The following RAVER2 variants were observed in gnomAD, a reference collection of about 807,000 sequenced individuals.
The protein encoded by RAVER2 is ribonucleoprotein, PTB binding 2.
Under a neutral mutation model 78.1 loss-of-function variants are expected in RAVER2, and 46 were observed. The observed-to-expected ratio is 0.59, with a 90% CI of 0.46 to 0.75. RAVER2 has a LOEUF of 0.75. RAVER2 is among the 30% of genes least tolerant of loss of function. The pLI is 0.00. For missense variants in RAVER2, 793 were observed against 837.5 expected (o/e 0.95, Z 0.66); for synonymous variants, 311 against 313.3 (o/e 0.99, Z 0.08).
intron 10 of RAVER2, 128 bp from the exon 11 acceptor site, chr1:64,814,576 A>G (rs1475891595): frequency 1.9e-6 from 1 of 538,470 alleles, no homozygotes; most frequent in Admixed American, 5.2e-5. Flanking sequence ...CTGAGTTACA[A>G]TTTATAATAA....
intron 5 of RAVER2, among the ~76,000 whole-genome samples, chr1:64,799,293 A>G (rs566136972): frequency 1.1e-4 from 17 of 152,284 alleles, no homozygotes; most frequent in African/African-American, 4.1e-4. Context: ...TCCATTGTGT[A>G]TATGTACCAC....
intron 5 of RAVER2, among the ~76,000 whole-genome samples, chr1:64,793,472 TTATG>T (rs1392994698): frequency 1.3e-5 from 2 of 152,342 alleles, no homozygotes; most frequent in Middle Eastern, 6.8e-3. Context: ...CTAGACTTCT[TTATG>T]TATGTGTGTG....
intron 11 of RAVER2, among the ~76,000 whole-genome samples, chr1:64,820,552 C>T (rs572389596): frequency 1.3e-5 from 2 of 152,228 alleles, no homozygotes; most frequent in South Asian, 4.1e-4. Context: ...TTCTGCTGCT[C>T]TCCCTCCTCC....
chr1:64,817,037 G>T (rs978082180), intron 11 of RAVER2, among the ~76,000 whole-genome samples: 2 of 152,106 alleles, frequency 1.3e-5, no homozygotes, highest in African/African-American at 4.8e-5. Flanking sequence ...AATCTACAAA[G>T]AACTCAAACA....
At chr1:64,794,413 A>C (rs1653037782) in intron 5 of RAVER2, among the ~76,000 whole-genome samples, 1 of 151,654 alleles carries the variant, frequency 6.6e-6, no homozygotes, top group African/African-American at 2.4e-5. Flanking sequence ...AAAAAAAAAA[A>C]AAAACTGCCC....
At chr1:64,832,767 A>ATCAT (rs1375463263) in exon 12 of RAVER2, 5 of 152,208 alleles carry the variant, frequency 3.3e-5, no homozygotes, top group Admixed American at 2.6e-4. Context: ...AGAATTAGGC[A>ATCAT]TCATTCAGTG....
intron 2 of RAVER2, 62 bp from the exon 3 acceptor site, chr1:64,777,561 A>G (rs569751744): frequency 4.9e-5 from 67 of 1,355,120 alleles, no homozygotes; most frequent in Non-Finnish European, 6.5e-5. Flanking sequence ...GAAGTAAGAT[A>G]TATTTCTTAC....
intron 1 of RAVER2, among the ~76,000 whole-genome samples, chr1:64,763,726 A>T (rs985290342): frequency 3.3e-5 from 5 of 151,852 alleles, no homozygotes; most frequent in Non-Finnish European, 5.9e-5. Flanking sequence ...ACATGGAGAA[A>T]CCCTGTCTCT....
chr1:64,789,581 G>C lies in RAVER2; in HGVS notation c.1105+67G>C, dbSNP rs917079355. On this transcript the variant is annotated intron_variant, in intron 5 of 11. Coordinates refer to ENST00000294428, the Ensembl canonical transcript of RAVER2. ...GCATGAAGTTAATTTTTTCACATGTGAAATATGGAAAAATACATTGATTTG... is the reference window on the plus strand; with the variant it reads ...GCATGAAGTTAATTTTTTCACATGTCAAATATGGAAAAATACATTGATTTG... 2.4e-6 allele frequency: 3 copies of C among 1,247,986 alleles called. No individual in the cohort carries two copies. In the African/African-American group the frequency reaches 4.7e-5, roughly 19 times the overall value. The allele number at this position is 1,247,986 out of a possible 1,614,324, so 77.3% of individuals were successfully genotyped here. A position where few individuals can be genotyped will look rare whatever the true frequency, so the allele number is the denominator to read the frequency against.
At chr1:64,763,433 A>C (rs1270943300) in intron 1 of RAVER2, among the ~76,000 whole-genome samples, 2 of 152,248 alleles carry the variant, frequency 1.3e-5, no homozygotes, top group Non-Finnish European at 2.9e-5. Context: ...TATAAGTCAA[A>C]GAAATACAAA....
At chr1:64,829,505 G>A (rs1465977051) in intron 11 of RAVER2, among the ~76,000 whole-genome samples, 2 of 152,208 alleles carry the variant, frequency 1.3e-5, no homozygotes, top group Non-Finnish European at 2.9e-5. Flanking sequence ...ATAACCAAGA[G>A]GCTGGAGACT....
At chr1:64,764,592 C>A (rs1370942411) in intron 1 of RAVER2, among the ~76,000 whole-genome samples, 1 of 152,014 alleles carries the variant, frequency 6.6e-6, no homozygotes, top group Non-Finnish European at 1.5e-5. Context: ...ACCCAAAATC[C>A]CACAAATAAA....
intron 2 of RAVER2, among the ~76,000 whole-genome samples, chr1:64,770,259 C>G (rs141703528): frequency 3.9e-5 from 6 of 152,076 alleles, no homozygotes; most frequent in Middle Eastern, 3.4e-3. Context: ...ACAGCCTTCA[C>G]AGCTCACATA....
At chr1:64,749,536 A>G (rs1025041745) in intron 1 of RAVER2, among the ~76,000 whole-genome samples, 1 of 152,178 alleles carries the variant, frequency 6.6e-6, no homozygotes, top group Non-Finnish European at 1.5e-5. Flanking sequence ...TCTATTCCAC[A>G]TTTATCAAAC....
intron 11 of RAVER2, among the ~76,000 whole-genome samples, chr1:64,823,038 G>C (rs1243912943): frequency 6.6e-6 from 1 of 152,100 alleles, no homozygotes; most frequent in Non-Finnish European, 1.5e-5. Context: ...AGGAGGAGTT[G>C]GGGAGTATGA....
chr1:64,813,828 GACACACACAC>G (rs10566575), intron 10 of RAVER2, among the ~76,000 whole-genome samples: 36,766 of 145,860 alleles, frequency 0.25, 4,595 homozygotes, highest in Admixed American at 0.36. Context: ...TTAGAGACTA[GACACACACAC>G]ACACACACAC....
rs748099082 is a variant in RAVER2 at position 64,830,905 on chromosome 1, G to A, written c.1996G>A (p.Val666Met). ...CATCTCTGCCCCAGAAGGTGGTTCA[G>A]TGGAATGTGTTGACCAGCATTCTCA... Residue 666 changes from valine (V) to methionine (M), a missense_variant, in exon 12 of 12, where the codon GTG (valine) becomes ATG (methionine). Physicochemically the swap from Val to Met is conservative, Grantham distance 21 (BLOSUM62 1). Coordinates refer to ENST00000294428, the Ensembl canonical transcript of RAVER2. 6 of 1,613,556 alleles carry A rather than the reference G, an allele frequency of 3.7e-6. No homozygotes were observed. The East Asian group carries it at 1.1e-4, about 30-fold the overall frequency.
intron 6 of RAVER2, among the ~76,000 whole-genome samples, chr1:64,803,654 C>A (rs768582113): frequency 1.3e-5 from 2 of 152,026 alleles, no homozygotes; most frequent in Non-Finnish European, 2.9e-5. Context: ...GAATGAATAT[C>A]TGGTCCTAAA....
In RAVER2 at chr1:64,831,939, C is replaced by T. The variant is rs545613100; in HGVS notation, c.*954C>T. 4 of 152,272 alleles carry T rather than the reference C, an allele frequency of 2.6e-5. No individual in the cohort carries two copies. In the South Asian group the frequency reaches 8.3e-4, roughly 32 times the overall value. 9.4% of individuals were successfully genotyped at this position (152,272 alleles called of 1,614,324 possible). A position where few individuals can be genotyped will look rare whatever the true frequency, so the allele number is the denominator to read the frequency against. ...ACAGAGACTGTATGGCCTACAAAGA[C>T]CATATGGCCTAAAATTTCAAGTATC... On this transcript the variant is annotated 3_prime_UTR_variant, in exon 12 of 12. Transcript: ENST00000294428.
Sources: allele counts gnomAD v4.1 joint callset (sites outside exome capture counted in the v4.1 genomes callset), GRCh38; gene constraint gnomAD v4.1.1; transcripts MANE v1.5; gene names NCBI Gene and HGNC (gene_info 2026-07-23, HGNC 2026-07-21).